The following BEND6 variants were observed in gnomAD, a reference collection of about 807,000 sequenced individuals.
BEND6 encodes BEN domain-containing protein 6.
Under a neutral mutation model 31.8 loss-of-function variants are expected in BEND6, and 24 were observed. The ratio of observed to expected loss-of-function variants is 0.75; its 90% CI spans 0.55 to 1.06. BEND6 has a LOEUF of 1.06. Ranked by LOEUF, BEND6 falls within the 50% of genes least tolerant of loss-of-function variation. The pLI, the probability that BEND6 is intolerant of heterozygous loss-of-function variation, is 0.00. For missense variants in BEND6, 294 were observed against 327.4 expected, an observed-to-expected ratio of 0.90 and a Z score of 0.79; for synonymous variants, 109 against 114.6, an observed-to-expected ratio of 0.95 and a Z score of 0.31.
intron 3 of BEND6, among the ~76,000 whole-genome samples, chr6:56,992,887 C>A (rs914508183): frequency 6.7e-6 from 1 of 150,112 alleles, no homozygotes; most frequent in Non-Finnish European, 1.5e-5. Context: ...TAAGACAGAG[C>A]AAATATGATA....
chr6:56,981,865 G>A lies in BEND6; in HGVS notation c.55G>A (p.Gly19Arg). The change falls in exon 2 of 7, where the codon GGA (glycine) becomes AGA (arginine). Residue 19 changes from glycine (G) to arginine (R), a missense_variant. Transcript: ENST00000370746. The stretch of plus-strand genomic sequence containing the variant: ...TACCAATACACAAGCTTTTAGAAAA[G>A]GAAAGAGGAAAAGAACAGAGACAAT... ...EITNTQAFRK[G>R]KRKRTETMDS... The A allele has an allele frequency of 1.2e-6, 2 of 1,612,656 alleles. No individual in the cohort carries two copies. Among genetic ancestry groups the A allele is most frequent in the Non-Finnish European group, 1.7e-6 (2 of 1,179,296 alleles).
At chr6:56,975,053 G>A (rs1283938439) in intron 1 of BEND6, among the ~76,000 whole-genome samples, 1 of 152,130 alleles carries the variant, frequency 6.6e-6, no homozygotes, top group Non-Finnish European at 1.5e-5. Context: ...GGGAGGTGGA[G>A]GCTGCAGGAG....
chr6:56,998,037 A>C (rs1252283896), intron 3 of BEND6, among the ~76,000 whole-genome samples: 1 of 152,264 alleles, frequency 6.6e-6, no homozygotes. Context: ...ACTAAATTAT[A>C]TAATATGTTG....
At chr6:56,992,993 A>C (rs1826566583) in intron 3 of BEND6, among the ~76,000 whole-genome samples, 1 of 152,216 alleles carries the variant, frequency 6.6e-6, no homozygotes, top group Non-Finnish European at 1.5e-5. Context: ...CTGGAATTAG[A>C]GTCCATATAG....
intron 6 of BEND6, among the ~76,000 whole-genome samples, chr6:57,025,150 A>G (rs578140521): frequency 1.3e-5 from 2 of 152,302 alleles, no homozygotes; most frequent in East Asian, 1.9e-4. Context: ...AGTTTCCCTA[A>G]AACTGCTATT....
intron 6 of BEND6, among the ~76,000 whole-genome samples, chr6:57,020,111 T>A (rs1465104231): frequency 2.0e-5 from 3 of 152,106 alleles, no homozygotes; most frequent in Non-Finnish European, 4.4e-5. Flanking sequence ...TTATAAAAGA[T>A]AAGGTTACCT....
rs77103642 is a variant in BEND6 at position 56,977,507 on chromosome 6, G to A, written c.-100-4204G>A. ...CAGAAAAATAATTAGACAAATTTAC[G>A]GGACTTATGAAAATGTAAAGTGTTT... On this transcript the variant is annotated intron_variant, in intron 1 of 6. Coordinates refer to ENST00000370746, the MANE Select transcript of BEND6 (RefSeq NM_152731.3). 9.0e-3 allele frequency among the ~76,000 whole-genome samples: 1,371 copies of A among 152,254 alleles called. 10 individuals carry two copies. The highest frequency in any genetic ancestry group is 0.048 in the Middle Eastern group (14 of 294).
At chr6:57,009,756 AATAGATAGACACATATTG>A (rs1827281971) in intron 3 of BEND6, 1 of 152,228 alleles carries the variant, frequency 6.6e-6, no homozygotes, top group South Asian at 2.1e-4. Flanking sequence ...TGACAACCAC[AATAGATAGACACATATTG>A]TATTGATATA....
intron 3 of BEND6, among the ~76,000 whole-genome samples, chr6:56,997,801 C>T (rs900376013): frequency 6.6e-6 from 1 of 152,132 alleles, no homozygotes; most frequent in African/African-American, 2.4e-5. Flanking sequence ...ATCCACCCAC[C>T]TCGGCCTCCA....
At chr6:56,997,325 C>T (rs1395734798) in intron 3 of BEND6, among the ~76,000 whole-genome samples, 1 of 152,104 alleles carries the variant, frequency 6.6e-6, no homozygotes, top group Non-Finnish European at 1.5e-5. Context: ...CTTTCTTCTC[C>T]CAGTTTTTAT....
At chr6:56,964,232 G>A (rs1372453136) in intron 1 of BEND6, among the ~76,000 whole-genome samples, 2 of 151,942 alleles carry the variant, frequency 1.3e-5, no homozygotes, top group Non-Finnish European at 2.9e-5. Context: ...TATGTGACCT[G>A]CTTTGTAAGG....
At position 57,027,244 on chromosome 6, in the gene BEND6, G is replaced by C. The variant is rs1460155406; in HGVS notation, c.*1172G>C. 1 of 152,130 alleles carries C rather than the reference G, an allele frequency of 6.6e-6. No homozygotes were observed. The highest frequency in any genetic ancestry group is 2.4e-5 in the African/African-American group (1 of 41,454). 9.4% of individuals were successfully genotyped at this position (152,130 alleles called of 1,614,324 possible). On this transcript the variant is annotated 3_prime_UTR_variant, in exon 7 of 7. Transcript: ENST00000370746. ...AGGAAATTTTCCATAAGTCTTGCTT[G>C]ATAACAATGTGATTGTACAAAATAA...
intron 3 of BEND6, among the ~76,000 whole-genome samples, chr6:56,994,199 C>T (rs1370899869): frequency 6.6e-6 from 1 of 151,868 alleles, no homozygotes; most frequent in Non-Finnish European, 1.5e-5. Flanking sequence ...GTGGCTCACG[C>T]CTGTAATTCC....
At chr6:56,999,544 T>C (rs1244090507) in intron 3 of BEND6, among the ~76,000 whole-genome samples, 1 of 152,206 alleles carries the variant, frequency 6.6e-6, no homozygotes, top group Admixed American at 6.5e-5. Context: ...CTCTGGGCGC[T>C]TGGTGGCCAC....
Position 57,018,494 on chromosome 6 carries a change from C to A in BEND6, c.786C>A (p.Asn262Lys). ...IRRMIGQKLN[N>K]CTKKPNLSKN... ...GAATGATAGGGCAAAAGCTAAACAA[C>A]TGTACCAAGAAGCCAAATTTAAGCA... Residue 262 changes from asparagine (N) to lysine (K), a missense_variant, in exon 6 of 7, where the codon AAC becomes AAA. Coordinates refer to ENST00000370746, the MANE Select transcript of BEND6 (RefSeq NM_152731.3). 6.3e-7 allele frequency: 1 copy of A among 1,587,472 alleles called. No homozygotes were observed. The highest frequency in any genetic ancestry group is 8.5e-7 in the Non-Finnish European group (1 of 1,170,800).
At chr6:57,019,070 G>A (rs1013960021) in intron 6 of BEND6, among the ~76,000 whole-genome samples, 1 of 152,160 alleles carries the variant, frequency 6.6e-6, no homozygotes, top group Non-Finnish European at 1.5e-5. Flanking sequence ...AGTGTGCAGC[G>A]TTCTTCTCCA....
Position 57,010,599 on chromosome 6 carries a change from G to T in BEND6, c.299-4534G>T, listed in dbSNP as rs990540286. The T allele has an allele frequency of 3.9e-6, 3 of 762,154 alleles. No individual in the cohort carries two copies. The African/African-American group carries it at 5.7e-5, about 14-fold the overall frequency. 47.2% of individuals were successfully genotyped at this position (762,154 alleles called of 1,614,324 possible). On this transcript the variant is annotated intron_variant, in intron 3 of 6. Transcript: ENST00000370746. ...ATCAAATAATTTGGGGGATAAAGGGGATCAGGGTATAAGTGGATTGAGACT... is the reference window on the plus strand; with the variant it reads ...ATCAAATAATTTGGGGGATAAAGGGTATCAGGGTATAAGTGGATTGAGACT...
At chr6:56,966,410 T>A (rs894663628) in intron 1 of BEND6, among the ~76,000 whole-genome samples, 15 of 152,164 alleles carry the variant, frequency 9.9e-5, no homozygotes, top group African/African-American at 2.4e-4. Flanking sequence ...CCTGTTTTTT[T>A]ATAAATATGA....
intron 1 of BEND6, among the ~76,000 whole-genome samples, chr6:56,971,305 T>A (rs1825680443): frequency 6.6e-6 from 1 of 152,218 alleles, no homozygotes; most frequent in African/African-American, 2.4e-5. Flanking sequence ...ACATCAGAAT[T>A]TCCTTCCTTT....
Sources: gnomAD v4.1 joint callset for allele counts (sites outside exome capture counted in the v4.1 genomes callset) on GRCh38, gnomAD v4.1.1 for gene constraint, MANE v1.5 for transcripts, NCBI Gene and HGNC (gene_info 2026-07-23, HGNC 2026-07-21) for gene names.